The following RHOU variants were observed in gnomAD, a reference collection of about 807,000 sequenced individuals.
RHOU encodes the protein rho-related GTP-binding protein RhoU.
In RHOU, 8 loss-of-function variants were observed where a neutral mutation model predicts 12.6. The ratio of observed to expected loss-of-function variants is 0.64; its 90% confidence interval spans 0.37 to 1.15. The LOEUF (loss-of-function observed/expected upper bound fraction) is 1.15. Ranked by LOEUF, RHOU falls within the 50% of genes most tolerant of loss-of-function variation. RHOU has a pLI of 0.01. For synonymous variants in RHOU, 161 were observed against 147.4 expected, an observed-to-expected ratio of 1.09 and a Z score of -0.67; for missense variants, 258 against 347.0, an observed-to-expected ratio of 0.74 and a Z score of 2.04.
At chr1:228,730,554 C>T (rs768711730), upstream of RHOU, among the ~76,000 whole-genome samples, 5 of 152,160 alleles carry the variant, frequency 3.3e-5, no homozygotes, top group African/African-American at 4.8e-5. Flanking sequence ...ATCATGTCTC[C>T]GGACAACTTT....
rs987673172 is a variant in RHOU at position 228,737,181 on chromosome 1, C to A, written c.263-492C>A. Among the ~76,000 whole-genome samples the A allele has an allele frequency of 1.3e-5, 2 of 152,182 alleles. No individual in the cohort carries two copies. The highest frequency in any genetic ancestry group is 1.3e-4 in the Admixed American group (2 of 15,274). Reference sequence around the variant, plus strand: ...ATAAGGAGTGCCCTCATTTCTTAAACAGGACAATGCGGGCAGCCTGTGTTT... The same window carrying A: ...ATAAGGAGTGCCCTCATTTCTTAAAAAGGACAATGCGGGCAGCCTGTGTTT... On this transcript the variant is annotated intron_variant, in intron 1 of 2. Coordinates refer to ENST00000366691, the MANE Select transcript of RHOU (RefSeq NM_021205.6). The surrounding 1 kb of genome is among the most constrained non-coding windows in gnomAD (Gnocchi z 4.1).
the RHOU span, among the ~76,000 whole-genome samples, chr1:228,669,850 T>C: frequency 6.6e-6 from 1 of 152,218 alleles, no homozygotes; most frequent in Non-Finnish European, 1.5e-5. Context: ...GCTTAAAGGA[T>C]GCAGTTTGTT....
At chr1:228,724,974 G>A in the RHOU span, among the ~76,000 whole-genome samples, 2 of 152,204 alleles carry the variant, frequency 1.3e-5, no homozygotes, top group East Asian at 3.9e-4. Flanking sequence ...ACAGAACAAA[G>A]TCACTTATTT....
chr1:228,692,708 TACAG>T, the RHOU span, among the ~76,000 whole-genome samples: 1 of 152,124 alleles, frequency 6.6e-6, no homozygotes, highest in Non-Finnish European at 1.5e-5. Context: ...GTGTTGGGAT[TACAG>T]ACATGAGCCA....
chr1:228,730,057 T>C, the RHOU span, among the ~76,000 whole-genome samples: 1 of 152,174 alleles, frequency 6.6e-6, no homozygotes, highest in African/African-American at 2.4e-5. Flanking sequence ...TGGCAAGACA[T>C]TTTCCTTGTC....
At chr1:228,648,950 C>G in the RHOU span, among the ~76,000 whole-genome samples, 6 of 151,842 alleles carry the variant, frequency 4.0e-5, no homozygotes, top group Non-Finnish European at 8.8e-5. Context: ...CCGCAACCTC[C>G]TCTTCTGGGT....
the RHOU span, among the ~76,000 whole-genome samples, chr1:228,726,447 T>C: frequency 3.9e-5 from 6 of 152,118 alleles, no homozygotes; most frequent in African/African-American, 7.2e-5. Context: ...AGGTGGATCA[T>C]GAGGTCAGGA....
upstream of RHOU, among the ~76,000 whole-genome samples, chr1:228,733,419 T>C (rs895580871): frequency 2.6e-5 from 4 of 152,232 alleles, no homozygotes; most frequent in Non-Finnish European, 5.9e-5. Flanking sequence ...GTGATCCTCC[T>C]ACCTCAGCCT....
At chr1:228,677,605 G>T in the RHOU span, among the ~76,000 whole-genome samples, 1 of 152,192 alleles carries the variant, frequency 6.6e-6, no homozygotes, top group Non-Finnish European at 1.5e-5. Flanking sequence ...AAACGGCTAG[G>T]AGAGAGTGAA....
chr1:228,692,419 C>T, the RHOU span, among the ~76,000 whole-genome samples: 1 of 152,042 alleles, frequency 6.6e-6, no homozygotes, highest in East Asian at 1.9e-4. Context: ...ACTGTATTGC[C>T]ATTAAAAGAT....
chr1:228,721,484 C>T, the RHOU span, among the ~76,000 whole-genome samples: 1 of 152,158 alleles, frequency 6.6e-6, no homozygotes, highest in Non-Finnish European at 1.5e-5. Flanking sequence ...AAGCCCTTGT[C>T]CCTTTTGTTC....
the RHOU span, among the ~76,000 whole-genome samples, chr1:228,677,841 G>C: frequency 2.0e-5 from 3 of 152,098 alleles, no homozygotes; most frequent in African/African-American, 7.2e-5. Context: ...GAAACTGCTT[G>C]GGTGATTTGA....
upstream of RHOU, among the ~76,000 whole-genome samples, chr1:228,731,855 C>T (rs1662503996): frequency 6.6e-6 from 1 of 152,102 alleles, no homozygotes; most frequent in Admixed American, 6.5e-5. Context: ...AACGGAAATT[C>T]TGCACCCAGT....
At chr1:228,711,925 A>C in the RHOU span, among the ~76,000 whole-genome samples, 1 of 143,204 alleles carries the variant, frequency 7.0e-6, no homozygotes, top group African/African-American at 2.6e-5. Context: ...CAAAGGGCTA[A>C]TATCCAGAAT....
At chr1:228,674,449 C>A in the RHOU span, among the ~76,000 whole-genome samples, 4 of 150,768 alleles carry the variant, frequency 2.7e-5, no homozygotes, top group South Asian at 8.4e-4. Context: ...CAGGTTCAAG[C>A]GATTCTCCAG....
the RHOU span, among the ~76,000 whole-genome samples, chr1:228,695,026 G>A: frequency 2.0e-5 from 3 of 152,136 alleles, no homozygotes; most frequent in Non-Finnish European, 4.4e-5. Flanking sequence ...CTGTAGTGCA[G>A]TGGCGGGATC....
the RHOU span, chr1:228,687,407 T>A: frequency 9.1e-7 from 1 of 1,097,000 alleles, no homozygotes; most frequent in African/African-American, 1.5e-5. Context: ...AACCCCAACA[T>A]GCATGCACTG....
chr1:228,696,784 C>A, the RHOU span, among the ~76,000 whole-genome samples: 1 of 152,006 alleles, frequency 6.6e-6, no homozygotes, highest in African/African-American at 2.4e-5. Context: ...GAGGCTCAAG[C>A]GATCCACCCG....
chr1:228,681,396 G>A, the RHOU span, among the ~76,000 whole-genome samples: 2 of 152,106 alleles, frequency 1.3e-5, no homozygotes, highest in African/African-American at 4.8e-5. Flanking sequence ...AGCAGTCTGG[G>A]GAGGAGGTGA....
Sources: gnomAD v4.1 joint callset for allele counts (sites outside exome capture counted in the v4.1 genomes callset) on GRCh38, gnomAD v4.1.1 for gene constraint, Gnocchi (gnomAD v3.1) non-coding constraint, MANE v1.5 for transcripts, NCBI Gene and HGNC (gene_info 2026-07-23, HGNC 2026-07-21) for gene names.